ASPA: variants seen among roughly 807,000 people sequenced by gnomAD.
ASPA encodes the protein aspartoacylase, also known as ACY-2.
ASPA carries 25 observed loss-of-function variants against 29.6 expected under a neutral mutation model. The ratio of observed to expected loss-of-function variants is 0.85; its 90% CI spans 0.62 to 1.18. ASPA has a LOEUF of 1.18. Among genes scored for constraint, ASPA ranks in the 50% most tolerant of loss-of-function variants. The pLI is 0.00. For missense variants in ASPA, 333 were observed against 385.7 expected (o/e 0.86, Z 1.14); for synonymous variants, 131 against 130.3 (o/e 1.01, Z -0.04).
rs992450672 is a variant in ASPA at position 3,484,802 on chromosome 17, A to T, written c.526+1210A>T. Among the ~76,000 whole-genome samples, 4 of 152,194 alleles carry T rather than the reference A, an allele frequency of 2.6e-5. No homozygotes were observed. The South Asian group carries it at 6.2e-4, about 24-fold the overall frequency. On this transcript the variant is annotated intron_variant, in intron 3 of 5. Coordinates refer to ENST00000263080, the MANE Select transcript of ASPA (RefSeq NM_000049.4). Reference sequence around the variant, plus strand: ...TTGGTGGACCAGTCCCTGTCCTCAGACAATACTTTGAGGAAAAAGGAATAT... The same window carrying T: ...TTGGTGGACCAGTCCCTGTCCTCAGTCAATACTTTGAGGAAAAAGGAATAT...
At chr17:3,495,623 C>T (rs1251452388) in intron 5 of ASPA, among the ~76,000 whole-genome samples, 1 of 152,186 alleles carries the variant, frequency 6.6e-6, no homozygotes, top group Non-Finnish European at 1.5e-5. Flanking sequence ...GGCTGGAGTG[C>T]AGTGGTGCAA....
intron 5 of ASPA, 64 bp from the exon 6 acceptor site, chr17:3,498,827 T>A (rs1009128846): frequency 1.5e-6 from 2 of 1,368,740 alleles, no homozygotes; most frequent in Non-Finnish European, 1.9e-6. Context: ...GTCTAGAGTC[T>A]GACATAAATT....
intron 2 of ASPA, among the ~76,000 whole-genome samples, chr17:3,483,144 G>C (rs1395717706): frequency 6.6e-6 from 1 of 151,816 alleles, no homozygotes; most frequent in Non-Finnish European, 1.5e-5. Context: ...TTGTTTAAGA[G>C]ACCAATACCA....
chr17:3,481,936 G>T (rs944570335), intron 2 of ASPA, 138 bp downstream of exon 2: 2 of 811,568 alleles, frequency 2.5e-6, no homozygotes, highest in South Asian at 1.9e-5. Context: ...AGGCTTGGTG[G>T]TTGGGGGGAA....
rs145731380 is a variant in ASPA, at chr17:3,485,934, C to CTT, written c.526+2356_526+2357dup. Among the ~76,000 whole-genome samples the CTT allele has an allele frequency of 0.27, 37,785 of 142,134 alleles. 5,369 individuals carry two copies. Among genetic ancestry groups the CTT allele is most frequent in the East Asian group, 0.57 (2,738 of 4,782 alleles). The allele number at this position is 142,134 out of a possible 152,430, so 93.2% of individuals were successfully genotyped here. A position where few individuals can be genotyped will look rare whatever the true frequency, so the allele number is the denominator to read the frequency against. On this transcript the variant is annotated intron_variant, in intron 3 of 5. Coordinates refer to ENST00000263080, the MANE Select transcript of ASPA (RefSeq NM_000049.4). The surrounding 1 kb of genome is among the most constrained non-coding windows in gnomAD (Gnocchi z 4.4). ...CAGTGGTTGCATTCTAGGAGGGAACCTTTTTTTTTTTTTTTGAGACGGAGT... is the reference window on the plus strand; with the variant it reads ...CAGTGGTTGCATTCTAGGAGGGAACCTTTTTTTTTTTTTTTTTGAGACGGAGT...
chr17:3,493,476 G>A (rs1482432577), intron 4 of ASPA, among the ~76,000 whole-genome samples: 2 of 142,456 alleles, frequency 1.4e-5, no homozygotes, highest in Non-Finnish European at 3.0e-5. Flanking sequence ...CAGGAGAATC[G>A]CTTGAACCCG....
At position 3,486,492 on chromosome 17, in the gene ASPA, C is replaced by T. The variant is rs76931757; in HGVS notation, c.527-2743C>T. Among the ~76,000 whole-genome samples the T allele has an allele frequency of 4.6e-5, 7 of 152,306 alleles. No homozygotes were observed. The East Asian group carries it at 1.3e-3, about 29-fold the overall frequency. On this transcript the variant is annotated intron_variant, in intron 3 of 5. Coordinates refer to ENST00000263080, the MANE Select transcript of ASPA (RefSeq NM_000049.4). ...TTTGTCATCTATTCACTTGTTTATC[C>T]TGCCAGTTACTAGGCTGTGACTTCA... is the stretch of plus-strand genomic sequence containing the variant.
chr17:3,475,035 G>A (rs1307722683), upstream of ASPA, among the ~76,000 whole-genome samples: 3 of 152,150 alleles, frequency 2.0e-5, no homozygotes, highest in Admixed American at 6.5e-5. Flanking sequence ...TGAGTGAAAG[G>A]ACATTATAAA....
intron 3 of ASPA, 131 bp from the exon 4 acceptor site, chr17:3,489,104 A>T: frequency 1.6e-6 from 1 of 618,584 alleles, no homozygotes; most frequent in Non-Finnish European, 2.8e-6. Context: ...AATATTTTCC[A>T]TGATGCTACA....
chr17:3,494,541 C>T (rs1053295028), intron 5 of ASPA, 82 bp downstream of exon 5: 16 of 1,132,116 alleles, frequency 1.4e-5, no homozygotes, highest in African/African-American at 1.1e-4. Context: ...TACAGCACTT[C>T]GCGTACATTC....
Position 3,476,384 on chromosome 17 carries a change from T to C in ASPA, c.225T>C (p.Leu75=). ...GTGACCTGAATCGCATTTTTGACCT[T>C]GAAAATCTTGGGTAAGACTATGCTT... ...IDCDLNRIFD[L]ENLGKKMSED... is the part of the protein sequence containing the mutation. Residue 75 remains leucine (L), a synonymous_variant, in exon 1 of 6, where the codon CTT becomes CTC. Transcript: ENST00000263080. The C allele has an allele frequency of 6.2e-7, 1 of 1,613,968 alleles. No individual in the cohort carries two copies. The highest frequency in any genetic ancestry group is 8.5e-7 in the Non-Finnish European group (1 of 1,179,976).
At chr17:3,491,818 G>A (rs2073830441) in intron 4 of ASPA, among the ~76,000 whole-genome samples, 1 of 151,422 alleles carries the variant, frequency 6.6e-6, no homozygotes, top group Non-Finnish European at 1.5e-5. Context: ...GACCCAGAGG[G>A]CAGAAGAGAA....
rs1217243652 is a variant in ASPA at position 3,485,954 on chromosome 17, C to T, written c.526+2362C>T. On this transcript the variant is annotated intron_variant, in intron 3 of 5. Transcript: ENST00000263080. The surrounding 1 kb of genome is among the most constrained non-coding windows in gnomAD (Gnocchi z 4.4). ...GGAACCTTTTTTTTTTTTTTTGAGA[C>T]GGAGTTTCGCTCTTGTTGCCAAGGC... 5.2e-5 allele frequency among the ~76,000 whole-genome samples: 7 copies of T among 135,856 alleles called. No homozygotes were observed. Among genetic ancestry groups the T allele is most frequent in the South Asian group, 2.3e-4 (1 of 4,306 alleles). The allele number at this position is 135,856 out of a possible 152,430, so 89.1% of individuals were successfully genotyped here.
rs2073875759 is a variant in ASPA at position 3,494,379 on chromosome 17, G to A, written c.664G>A (p.Val222Ile). ...AGAATTTCCTCCCTGCGCCATTGAG[G>A]TCTATAAAATTATAGAGAAAGTTGA... is the stretch of plus-strand genomic sequence containing the variant. ...GKEFPPCAIE[V>I]YKIIEKVDYP... The change falls in exon 5 of 6, where the codon GTC becomes ATC. Residue 222 changes from valine (V) to isoleucine (I), a missense_variant. By Grantham distance (29) the Val-to-Ile change is conservative. Coordinates refer to ENST00000263080, the MANE Select transcript of ASPA (RefSeq NM_000049.4). 6.2e-7 allele frequency: 1 copy of A among 1,612,352 alleles called. No individual in the cohort carries two copies. The highest frequency in any genetic ancestry group is 1.3e-5 in the African/African-American group (1 of 74,852).
chr17:3,486,742 A>G (rs993447309), intron 3 of ASPA, among the ~76,000 whole-genome samples: 2 of 152,252 alleles, frequency 1.3e-5, no homozygotes, highest in Admixed American at 6.5e-5. Flanking sequence ...GGCAAACAAT[A>G]TAAATAAATT....
chr17:3,495,346 T>C (rs1299712303), intron 5 of ASPA, among the ~76,000 whole-genome samples: 1 of 152,162 alleles, frequency 6.6e-6, no homozygotes, highest in Non-Finnish European at 1.5e-5. Context: ...TCTGAGATAC[T>C]CTGATCTTTT....
intron 1 of ASPA, among the ~76,000 whole-genome samples, chr17:3,479,088 T>C (rs1187633894): frequency 6.6e-6 from 1 of 152,220 alleles, no homozygotes; most frequent in Non-Finnish European, 1.5e-5. Context: ...ATGCAAATCT[T>C]ATCATGTCTC....
intron 4 of ASPA, 25 bp downstream of exon 4, chr17:3,489,367 A>T (rs779738539): frequency 2.6e-6 from 4 of 1,538,832 alleles, no homozygotes; most frequent in Non-Finnish European, 3.6e-6. Flanking sequence ...AGGTAACGTT[A>T]TCAAACTTAA....
At chr17:3,494,290 C>G in intron 4 of ASPA, 60 bp from the exon 5 acceptor site, 1 of 1,326,588 alleles carries the variant, frequency 7.5e-7, no homozygotes, top group Admixed American at 1.7e-5. Flanking sequence ...AGGCATGAGC[C>G]ACCACACCCG....
Sources: gnomAD v4.1 joint callset for allele counts (sites outside exome capture counted in the v4.1 genomes callset) on GRCh38, gnomAD v4.1.1 for gene constraint, Gnocchi (gnomAD v3.1) non-coding constraint, MANE v1.5 for transcripts, NCBI Gene and HGNC (gene_info 2026-07-23, HGNC 2026-07-21) for gene names.